The following SYT1 variants were observed in gnomAD, a reference collection of about 807,000 sequenced individuals.
SYT1 encodes synaptotagmin-1.
A neutral mutation model predicts 44.8 loss-of-function variants in SYT1; 8 were observed. The observed-to-expected ratio is 0.18, with a 90% CI of 0.10 to 0.32. SYT1 has a LOEUF of 0.32. Among genes scored for constraint, SYT1 ranks in the 10% least tolerant of loss-of-function variants. SYT1 has a pLI of 1.00. For synonymous variants in SYT1, 154 were observed against 188.8 expected (o/e 0.82, Z 1.51); for missense variants, 286 against 509.3 (o/e 0.56, Z 4.22).
chr12:79,160,962 G>A lies in SYT1; in HGVS notation c.-17-56541G>A, dbSNP rs549848837. ...AAATTATAAGACTGGGCCAGGCGCA[G>A]TGGCTCACACCTGGAGTCTCAACAT... is the stretch of plus-strand genomic sequence containing the variant. On this transcript the variant is annotated intron_variant, in intron 3 of 10. Coordinates refer to ENST00000261205, the MANE Select transcript of SYT1 (RefSeq NM_005639.3). Among the ~76,000 whole-genome samples, 5 of 152,244 alleles carry A rather than the reference G, an allele frequency of 3.3e-5. No individual in the cohort carries two copies. In the South Asian group the frequency reaches 1.0e-3, roughly 32 times the overall value.
chr12:79,299,721 G>C (rs1349917794), intron 8 of SYT1, among the ~76,000 whole-genome samples, 170 bp downstream of exon 8: 1 of 148,466 alleles, frequency 6.7e-6, no homozygotes, highest in Non-Finnish European at 1.5e-5. Context: ...AAAGTGTACA[G>C]GTCTTCTGGG....
chr12:79,099,410 A>T (rs536653109), intron 3 of SYT1, among the ~76,000 whole-genome samples: 1 of 152,310 alleles, frequency 6.6e-6, no homozygotes, highest in East Asian at 1.9e-4. Context: ...GGTTAATGTT[A>T]TCCTTTAGAG....
At chr12:79,072,837 A>G (rs1876377789) in intron 3 of SYT1, among the ~76,000 whole-genome samples, 1 of 152,174 alleles carries the variant, frequency 6.6e-6, no homozygotes, top group Non-Finnish European at 1.5e-5. Context: ...GGTATTGGGA[A>G]CACAGCAATG....
chr12:78,951,761 A>AT (rs945559054), intron 1 of SYT1, among the ~76,000 whole-genome samples: 2 of 152,086 alleles, frequency 1.3e-5, no homozygotes, highest in African/African-American at 2.4e-5. Flanking sequence ...GAATGACCAG[A>AT]TTTTTTTGTT....
chr12:79,098,946 T>C (rs1357251206), intron 3 of SYT1, among the ~76,000 whole-genome samples: 1 of 152,170 alleles, frequency 6.6e-6, no homozygotes, highest in Non-Finnish European at 1.5e-5. Flanking sequence ...TTTTATCCTT[T>C]AGAGCTTTAC....
chr12:79,001,146 A>C (rs1405087487), intron 2 of SYT1, among the ~76,000 whole-genome samples: 1 of 152,140 alleles, frequency 6.6e-6, no homozygotes, highest in Non-Finnish European at 1.5e-5. Flanking sequence ...TTAAACTTTC[A>C]GTAGCTAAAA....
chr12:79,320,105 G>A (rs1881282938), intron 8 of SYT1, among the ~76,000 whole-genome samples: 1 of 152,134 alleles, frequency 6.6e-6, no homozygotes, highest in African/African-American at 2.4e-5. Flanking sequence ...CCCTCTGGCT[G>A]AGATAAGATA....
chr12:78,886,063 A>T (rs370898329), intron 1 of SYT1, among the ~76,000 whole-genome samples: 2 of 151,964 alleles, frequency 1.3e-5, no homozygotes, highest in East Asian at 3.9e-4. Context: ...GCTTATCATA[A>T]CACTAATTTT....
intron 9 of SYT1, among the ~76,000 whole-genome samples, chr12:79,403,439 C>G (rs1725996117): frequency 6.6e-6 from 1 of 152,134 alleles, no homozygotes; most frequent in African/African-American, 2.4e-5. Flanking sequence ...CCCTCTTCTT[C>G]AGGGGAGGTC....
At chr12:79,045,349 A>G (rs1359230142) in intron 2 of SYT1, among the ~76,000 whole-genome samples, 1 of 152,192 alleles carries the variant, frequency 6.6e-6, no homozygotes, top group Non-Finnish European at 1.5e-5. Flanking sequence ...GCCGGTCGGA[A>G]AAGCGCAGTA....
At chr12:79,026,815 A>G (rs1371058070) in intron 2 of SYT1, among the ~76,000 whole-genome samples, 1 of 150,428 alleles carries the variant, frequency 6.6e-6, no homozygotes, top group African/African-American at 2.4e-5. Context: ...TTGAGATACT[A>G]ATTTCTTTTC....
chr12:79,003,302 C>T (rs545003591), intron 2 of SYT1, among the ~76,000 whole-genome samples: 1 of 151,990 alleles, frequency 6.6e-6, no homozygotes, highest in African/African-American at 2.4e-5. Flanking sequence ...ACTGATCCCC[C>T]CCACCACACA....
At chr12:79,103,545 C>A (rs1346915491) in intron 3 of SYT1, among the ~76,000 whole-genome samples, 1 of 151,494 alleles carries the variant, frequency 6.6e-6, no homozygotes, top group Admixed American at 6.6e-5. Flanking sequence ...TAGGTATATT[C>A]TTTTATGTAA....
At chr12:78,929,583 G>A (rs895501767) in intron 1 of SYT1, among the ~76,000 whole-genome samples, 5 of 151,824 alleles carry the variant, frequency 3.3e-5, no homozygotes, top group African/African-American at 1.2e-4. Context: ...GGAAAAGATA[G>A]AGATTTTCAA....
intron 1 of SYT1, among the ~76,000 whole-genome samples, chr12:78,865,918 CAA>C (rs35001234): frequency 0.029 from 4,181 of 144,738 alleles, 189 homozygotes; most frequent in African/African-American, 0.099. Flanking sequence ...TCTTGAGTAA[CAA>C]AAAAAAAAAA....
At chr12:79,436,930 C>A (rs1247852014) in intron 9 of SYT1, among the ~76,000 whole-genome samples, 1 of 152,110 alleles carries the variant, frequency 6.6e-6, no homozygotes, top group African/African-American at 2.4e-5. Flanking sequence ...GAAGAAAATG[C>A]TGCAGGGCAA....
At chr12:79,124,478 A>T (rs1025038799) in intron 3 of SYT1, among the ~76,000 whole-genome samples, 2 of 152,164 alleles carry the variant, frequency 1.3e-5, no homozygotes, top group African/African-American at 4.8e-5. Context: ...TAGATAATAT[A>T]TGGATAATCT....
chr12:79,017,848 A>C (rs1314199372), intron 2 of SYT1, among the ~76,000 whole-genome samples: 1 of 152,094 alleles, frequency 6.6e-6, no homozygotes, highest in Non-Finnish European at 1.5e-5. Flanking sequence ...TAAAGCTAGC[A>C]GCCAAGAGTT....
At chr12:78,990,393 A>T (rs140078564) in intron 2 of SYT1, among the ~76,000 whole-genome samples, 10 of 152,286 alleles carry the variant, frequency 6.6e-5, no homozygotes, top group African/African-American at 2.4e-4. Flanking sequence ...ACTTTTTCTG[A>T]CTTTAAAAAC....
Sources: allele counts gnomAD v4.1 joint callset (sites outside exome capture counted in the v4.1 genomes callset), GRCh38; gene constraint gnomAD v4.1.1; transcripts MANE v1.5; gene names NCBI Gene and HGNC (gene_info 2026-07-23, HGNC 2026-07-21).